PRSS55: variants seen among roughly 807,000 people sequenced by gnomAD.
PRSS55 encodes probable serine protease UNQ9391/PRO34284.
Under a neutral mutation model 23.6 loss-of-function variants are expected in PRSS55, and 41 were observed. The observed-to-expected ratio is 1.74, with a 90% CI of 1.35 to 2.26. PRSS55 has a LOEUF of 2.26. Ranked by LOEUF, PRSS55 falls within the 30% of genes most tolerant of loss-of-function variation. PRSS55 has a pLI of 0.00. For synonymous variants in PRSS55, 262 were observed against 175.5 expected, an observed-to-expected ratio of 1.49 and a Z score of -3.90; for missense variants, 669 against 439.1, an observed-to-expected ratio of 1.52 and a Z score of -4.68.
chr8:10,551,685 G>A (rs774143420), intron 4 of PRSS55, among the ~76,000 whole-genome samples: 26 of 152,228 alleles, frequency 1.7e-4, no homozygotes, highest in Non-Finnish European at 3.5e-4. Context: ...GAGAACATTG[G>A]AACCATGTCT....
chr8:10,542,419 G>GGGAAAAA (rs60800512), downstream of PRSS55, among the ~76,000 whole-genome samples: 30 of 133,462 alleles, frequency 2.2e-4, 1 homozygote, highest in Non-Finnish European at 3.3e-4. Context: ...CCATGCGGGG[G>GGGAAAAA]AAAAAAAAAA....
At chr8:10,529,242 C>A (rs889021105) in intron 1 of PRSS55, among the ~76,000 whole-genome samples, 1 of 152,182 alleles carries the variant, frequency 6.6e-6, no homozygotes, top group African/African-American at 2.4e-5. Flanking sequence ...AGTGAAGTGA[C>A]TCTCCTGAGG....
At chr8:10,554,039 G>C (rs1171278897) in exon 5 of PRSS55, 1 of 1,520,060 alleles carries the variant, frequency 6.6e-7, no homozygotes, top group Non-Finnish European at 8.8e-7. Context: ...CTGATGCTTT[G>C]CTCTTTCTTC....
At chr8:10,536,908 A>G (rs937593303) in intron 4 of PRSS55, among the ~76,000 whole-genome samples, 2 of 152,184 alleles carry the variant, frequency 1.3e-5, no homozygotes, top group Non-Finnish European at 2.9e-5. Context: ...GTTTTTTACT[A>G]CCCATCAGAT....
At chr8:10,551,044 T>A (rs1463748006) in intron 4 of PRSS55, among the ~76,000 whole-genome samples, 2 of 152,214 alleles carry the variant, frequency 1.3e-5, no homozygotes, top group Non-Finnish European at 2.9e-5. Flanking sequence ...TCTCTTACTA[T>A]CTTCTTATTC....
chr8:10,529,805 T>A, intron 2 of PRSS55, 106 bp downstream of exon 2: 1 of 1,132,438 alleles, frequency 8.8e-7, no homozygotes, highest in Non-Finnish European at 1.3e-6. Flanking sequence ...GACTGCTCGG[T>A]ATCCAGTCGG....
downstream of PRSS55, among the ~76,000 whole-genome samples, chr8:10,539,431 G>A (rs374994450): frequency 8.5e-4 from 129 of 152,314 alleles, 2 homozygotes; most frequent in Middle Eastern, 6.8e-3. Flanking sequence ...AAAAACGAAC[G>A]ATGTGCTTAT....
At chr8:10,527,524 G>T (rs922637554) in intron 1 of PRSS55, among the ~76,000 whole-genome samples, 5 of 152,250 alleles carry the variant, frequency 3.3e-5, no homozygotes, top group Non-Finnish European at 5.9e-5. Context: ...CACCAGGATG[G>T]GAGGGGCTGT....
chr8:10,529,727 C>T (rs1188630421), intron 2 of PRSS55, 28 bp downstream of exon 2: 4 of 1,594,576 alleles, frequency 2.5e-6, no homozygotes, highest in Non-Finnish European at 3.4e-6. Context: ...CCCACTGCCA[C>T]CTCTCAGGGC....
chr8:10,539,340 ACCCT>A (rs1175046479), downstream of PRSS55, among the ~76,000 whole-genome samples: 1 of 152,224 alleles, frequency 6.6e-6, no homozygotes, highest in Non-Finnish European at 1.5e-5. Flanking sequence ...ATCCAAAGAT[ACCCT>A]CCAAGTTGAC....
At chr8:10,536,164 G>A (rs1273861992) in intron 4 of PRSS55, among the ~76,000 whole-genome samples, 1 of 152,162 alleles carries the variant, frequency 6.6e-6, no homozygotes, top group Non-Finnish European at 1.5e-5. Context: ...TCAAGCCTGG[G>A]TGACAGAGCG....
intron 4 of PRSS55, among the ~76,000 whole-genome samples, chr8:10,550,489 G>A (rs1812928063): frequency 6.6e-6 from 1 of 152,130 alleles, no homozygotes; most frequent in Non-Finnish European, 1.5e-5. Flanking sequence ...GAATTTCTGG[G>A]ACCCTTGATG....
intron 4 of PRSS55, among the ~76,000 whole-genome samples, chr8:10,535,302 AT>A (rs1229421954): frequency 1.3e-5 from 2 of 152,254 alleles, no homozygotes; most frequent in Non-Finnish European, 2.9e-5. Flanking sequence ...GCATCATGCT[AT>A]CCAACTTCAA....
intron 4 of PRSS55, among the ~76,000 whole-genome samples, chr8:10,553,445 AC>A (rs1287003196): frequency 1.3e-5 from 2 of 152,238 alleles, no homozygotes; most frequent in African/African-American, 4.8e-5. Context: ...ATATATGTAC[AC>A]AATAAAATAC....
chr8:10,530,702 A>G (rs1173756260), intron 2 of PRSS55, among the ~76,000 whole-genome samples: 1 of 151,982 alleles, frequency 6.6e-6, no homozygotes, highest in East Asian at 1.9e-4. Context: ...AGACACACAC[A>G]CTGATTTTAG....
chr8:10,538,765 A>G lies in PRSS55; in HGVS notation c.1031A>G (p.His344Arg), dbSNP rs754398318. Residue 344 changes from histidine to arginine, a missense_variant, in exon 5 of 5, where the codon CAT becomes CGT. His to Arg is a conservative substitution (Grantham distance 29). Coordinates refer to ENST00000328655, the MANE Select transcript of PRSS55 (RefSeq NM_198464.4). ...TGGCTCCTGCTCTGTCCCCTGTCCC[A>G]TGTGTTGTTCAGAGCTATTTTGTAC... ...RSWLLLCPLS[H>R]VLFRAILY 24 of 1,597,828 alleles carry G rather than the reference A, an allele frequency of 1.5e-5. No homozygotes were observed. Among genetic ancestry groups the G allele is most frequent in the Non-Finnish European group, 1.8e-5 (21 of 1,173,870 alleles).
At chr8:10,547,232 C>T (rs1384510000) in intron 4 of PRSS55, among the ~76,000 whole-genome samples, 2 of 152,190 alleles carry the variant, frequency 1.3e-5, no homozygotes, top group Non-Finnish European at 2.9e-5. Context: ...GAGGGGTGAG[C>T]GTAGTGGTCC....
downstream of PRSS55, among the ~76,000 whole-genome samples, chr8:10,542,255 G>A (rs1393009344): frequency 6.6e-6 from 1 of 152,152 alleles, no homozygotes; most frequent in Non-Finnish European, 1.5e-5. Flanking sequence ...CAGTGCGGAT[G>A]TGTGGGGACA....
intron 2 of PRSS55, among the ~76,000 whole-genome samples, chr8:10,530,159 G>T (rs565955767): frequency 5.9e-5 from 9 of 152,198 alleles, no homozygotes; most frequent in African/African-American, 2.2e-4. Context: ...CTATGTGCTG[G>T]GGACCCTGCT....
Sources: gnomAD v4.1 joint callset for allele counts (sites outside exome capture counted in the v4.1 genomes callset) on GRCh38, gnomAD v4.1.1 for gene constraint, MANE v1.5 for transcripts, NCBI Gene and HGNC (gene_info 2026-07-23, HGNC 2026-07-21) for gene names.